LONRF2: variants seen among roughly 807,000 people sequenced by gnomAD.
The protein encoded by LONRF2 is LON peptidase N-terminal domain and RING finger protein 2.
A neutral mutation model predicts 66.6 loss-of-function variants in LONRF2; 35 were observed. The observed-to-expected ratio is 0.53, with a 90% CI of 0.40 to 0.70. LONRF2 has a LOEUF of 0.70. Ranked by LOEUF, LONRF2 falls within the 30% of genes least tolerant of loss-of-function variation. LONRF2 has a pLI of 0.00. For synonymous variants in LONRF2, 417 were observed against 418.1 expected (o/e 1.00, Z 0.03); for missense variants, 902 against 1,002.1 (o/e 0.90, Z 1.35).
chr2:100,288,400 A>G (rs569244252), intron 10 of LONRF2, among the ~76,000 whole-genome samples: 2 of 152,262 alleles, frequency 1.3e-5, no homozygotes, highest in Non-Finnish European at 2.9e-5. Flanking sequence ...TCACTTCCAC[A>G]ATTCCAAATG....
chr2:100,321,851 G>T lies in LONRF2; in HGVS notation c.243C>A (p.Phe81Leu). The T allele has an allele frequency of 8.5e-7, 1 of 1,171,642 alleles. No individual in the cohort carries two copies. Among genetic ancestry groups the T allele is most frequent in the South Asian group, 4.1e-5 (1 of 24,656 alleles). The allele number at this position is 1,171,642 out of a possible 1,614,324, so 72.6% of individuals were successfully genotyped here. ...GCGCCCCGAGCCGCGCGGCGCCGCGGAACGCGCCCAGGGCTTCGGGGAGGC... is the reference window on the plus strand; with the variant it reads ...GCGCCCCGAGCCGCGCGGCGCCGCGTAACGCGCCCAGGGCTTCGGGGAGGC... ...AGRLPEALGA[F>L]RGAARLGALR... The change falls in exon 1 of 12, where the codon TTC becomes TTA. Residue 81 changes from phenylalanine (F) to leucine (L), a missense_variant. By Grantham distance (22) the Phe-to-Leu change is conservative. Coordinates refer to ENST00000393437, the MANE Select transcript of LONRF2 (RefSeq NM_198461.4).
Position 100,299,214 on chromosome 2 carries a change from G to A in LONRF2, c.1361+12C>T. The A allele has an allele frequency of 6.5e-7, 1 of 1,549,590 alleles. No homozygotes were observed. Among genetic ancestry groups the A allele is most frequent in the Non-Finnish European group, 8.7e-7 (1 of 1,144,982 alleles). ...GTTTTAAAAGAGTTGCACGGATTCT[G>A]TACCATCCTACCTCATGCAGAGGGC... On this transcript the variant is annotated intron_variant, in intron 6 of 11. Transcript: ENST00000393437.
intron 2 of LONRF2, among the ~76,000 whole-genome samples, chr2:100,304,049 A>C (rs1005064866): frequency 5.3e-5 from 8 of 151,818 alleles, no homozygotes; most frequent in African/African-American, 1.9e-4. Flanking sequence ...CTTCCTATAG[A>C]TCTATCTTCA....
chr2:100,304,312 C>CTAATTTTTTAATTTT, intron 2 of LONRF2, among the ~76,000 whole-genome samples: 2 of 150,888 alleles, frequency 1.3e-5, no homozygotes, highest in African/African-American at 4.9e-5. Context: ...CCCTGCCTGG[C>CTAATTTTTTAATTTT]TAATTTTTTT....
At chr2:100,299,022 G>T in intron 6 of LONRF2, 72 bp from the exon 7 acceptor site, 1 of 1,217,724 alleles carries the variant, frequency 8.2e-7, no homozygotes, top group Non-Finnish European at 1.2e-6. Flanking sequence ...GGTTTTTGAA[G>T]GATTCCTTAT....
chr2:100,285,263 G>A lies in LONRF2; in HGVS notation c.2071-771C>T, dbSNP rs1674821593. Among the ~76,000 whole-genome samples the A allele has an allele frequency of 2.0e-5, 3 of 152,170 alleles. No individual in the cohort carries two copies. In the South Asian group the frequency reaches 6.2e-4, roughly 32 times the overall value. On this transcript the variant is annotated intron_variant, in intron 11 of 11. Coordinates refer to ENST00000393437, the MANE Select transcript of LONRF2 (RefSeq NM_198461.4). ...TTAGGGTGAGGTAGATTATGCTGGA[G>A]GACTAGGAATAGCACTGTGGCCAAA...
chr2:100,311,815 T>C (rs1675415258), intron 1 of LONRF2, among the ~76,000 whole-genome samples: 1 of 152,190 alleles, frequency 6.6e-6, no homozygotes, highest in Admixed American at 6.5e-5. Flanking sequence ...CATATAGTTA[T>C]CTCCTTCAAC....
In LONRF2 at chr2:100,279,619, GC is replaced by G. The variant is rs1354843756; in HGVS notation, c.*4678del. ...GGGCCTCGCTGACCCAGGAGAAACT[GC>G]CCATCCCAGGGTGAGCCAATTCTTA... On this transcript the variant is annotated 3_prime_UTR_variant, in exon 12 of 12. Coordinates refer to ENST00000393437, the MANE Select transcript of LONRF2 (RefSeq NM_198461.4). 2.0e-5 allele frequency: 3 copies of G among 152,102 alleles called. No homozygotes were observed. Among genetic ancestry groups the G allele is most frequent in the African/African-American group, 7.2e-5 (3 of 41,396 alleles). 9.4% of individuals were successfully genotyped at this position (152,102 alleles called of 1,614,324 possible). A position where few individuals can be genotyped will look rare whatever the true frequency, so the allele number is the denominator to read the frequency against.
Position 100,284,041 on chromosome 2 carries a change from ACCTGC to A in LONRF2, c.*252_*256del. On this transcript the variant is annotated 3_prime_UTR_variant, in exon 12 of 12. Transcript: ENST00000393437. ...TGTCAGTGAACTGCATTCCCCAAGC[ACCTGC>A]TTCTAAGAGATTTTCTTAGGTTGTT... 1 of 371,380 alleles carries A rather than the reference ACCTGC, an allele frequency of 2.7e-6. No homozygotes were observed. The highest frequency in any genetic ancestry group is 4.9e-6 in the Non-Finnish European group (1 of 205,076). The allele number at this position is 371,380 out of a possible 1,614,324, so 23.0% of individuals were successfully genotyped here.
chr2:100,295,614 C>G (rs568609107), intron 7 of LONRF2, 61 bp from the exon 8 acceptor site: 9 of 1,540,946 alleles, frequency 5.8e-6, no homozygotes, highest in African/African-American at 4.1e-5. Context: ...ACGAAGCTTC[C>G]GAGTGGAAAG....
At chr2:100,313,837 A>G (rs571183343) in intron 1 of LONRF2, among the ~76,000 whole-genome samples, 13 of 152,186 alleles carry the variant, frequency 8.5e-5, no homozygotes, top group Non-Finnish European at 1.5e-4. Context: ...ATATTTATAA[A>G]TGGAATGTAC....
At chr2:100,319,523 C>T (rs111852934) in intron 1 of LONRF2, among the ~76,000 whole-genome samples, 169 of 152,274 alleles carry the variant, frequency 1.1e-3, no homozygotes, top group African/African-American at 3.8e-3. Flanking sequence ...TTTCATCCCC[C>T]CAAGGTAACC....
At chr2:100,317,045 T>A (rs906654132) in intron 1 of LONRF2, among the ~76,000 whole-genome samples, 1 of 152,210 alleles carries the variant, frequency 6.6e-6, no homozygotes, top group South Asian at 2.1e-4. Context: ...AATTTTAACC[T>A]TTTTTTGTGT....
At chr2:100,289,431 T>G (rs1674912119) in intron 10 of LONRF2, among the ~76,000 whole-genome samples, 2 of 11,990 alleles carry the variant, frequency 1.7e-4, no homozygotes, top group African/African-American at 3.9e-3. Context: ...CAATAAGGTC[T>G]TTTTTTTTTT....
chr2:100,290,503 A>G lies in LONRF2; in HGVS notation c.1758-83T>C, dbSNP rs185025083. 2.9e-6 allele frequency: 4 copies of G among 1,369,012 alleles called. No individual in the cohort carries two copies. The African/African-American group carries it at 5.8e-5, about 20-fold the overall frequency. 84.8% of individuals were successfully genotyped at this position (1,369,012 alleles called of 1,614,324 possible). A position where few individuals can be genotyped will look rare whatever the true frequency, so the allele number is the denominator to read the frequency against. ...TTCCCTGGATGAGAGTTTACTTTTA[A>G]AAGGAATACAAAGCCACACAAAACA... On this transcript the variant is annotated intron_variant, in intron 9 of 11. Transcript: ENST00000393437.
chr2:100,310,436 C>A (rs1675386391), intron 1 of LONRF2, among the ~76,000 whole-genome samples: 1 of 152,208 alleles, frequency 6.6e-6, no homozygotes, highest in South Asian at 2.1e-4. Context: ...GACCTTGATT[C>A]TTTTCAAACT....
intron 3 of LONRF2, among the ~76,000 whole-genome samples, chr2:100,301,726 C>A (rs1216785552): frequency 2.0e-5 from 3 of 152,228 alleles, no homozygotes. Context: ...AAGACCTAAA[C>A]CCTGGTCCAG....
intron 1 of LONRF2, among the ~76,000 whole-genome samples, chr2:100,316,729 T>A (rs1251347583): frequency 1.3e-5 from 2 of 152,230 alleles, no homozygotes; most frequent in African/African-American, 4.8e-5. Context: ...AAGTATGTTG[T>A]ATCTATATCC....
intron 1 of LONRF2, among the ~76,000 whole-genome samples, chr2:100,309,939 C>T (rs771682429): frequency 9.9e-5 from 15 of 152,170 alleles, no homozygotes; most frequent in Non-Finnish European, 1.9e-4. Flanking sequence ...TCCCAAAGTG[C>T]TGGGATTACA....
Sources: allele counts gnomAD v4.1 joint callset (sites outside exome capture counted in the v4.1 genomes callset), GRCh38; gene constraint gnomAD v4.1.1; transcripts MANE v1.5; gene names NCBI Gene and HGNC (gene_info 2026-07-23, HGNC 2026-07-21).